The following ZBTB12 variants were observed in gnomAD, a reference collection of about 807,000 sequenced individuals.
The protein encoded by ZBTB12 is zinc finger and BTB domain-containing protein 12.
ZBTB12 carries 1 observed loss-of-function variant against 6.4 expected under a neutral mutation model. That is an observed-to-expected ratio of 0.16 (90% CI 0.06 to 0.74). The LOEUF is 0.74. ZBTB12 is among the 30% of genes least tolerant of loss of function. The probability of loss-of-function intolerance (pLI) is 0.78; values close to 1 mark genes in which losing one functional copy is unlikely to be tolerated. For synonymous variants in ZBTB12, 273 were observed against 262.5 expected (o/e 1.04, Z -0.39); for missense variants, 344 against 613.9 (o/e 0.56, Z 4.65).
chr6:31,901,379 A>G, intron 1 of ZBTB12, 54 bp from the exon 2 acceptor site: 2 of 1,471,744 alleles, frequency 1.4e-6, no homozygotes, highest in Non-Finnish European at 1.8e-6. Context: ...TCCGAAGCCA[A>G]GGCTCCAGGA....
chr6:31,901,344 G>A lies in ZBTB12; in HGVS notation c.-20-19C>T. 2 of 1,574,842 alleles carry A rather than the reference G, an allele frequency of 1.3e-6. No homozygotes were observed. Among genetic ancestry groups the A allele is most frequent in the East Asian group, 2.3e-5 (1 of 44,312 alleles). ...GGCAACCCTGGTTGGGAAGGAAACCGGTCAGAGACAAAGGTCTCTGGCTCT... is the reference window on the plus strand; with the variant it reads ...GGCAACCCTGGTTGGGAAGGAAACCAGTCAGAGACAAAGGTCTCTGGCTCT... On this transcript the variant is annotated intron_variant, in intron 1 of 1. Coordinates refer to ENST00000375527, the MANE Select transcript of ZBTB12 (RefSeq NM_181842.3).
At position 31,902,007 on chromosome 6, in the gene ZBTB12, C is replaced by A; in HGVS notation, c.-191G>T. 6.8e-6 allele frequency: 1 copy of A among 148,004 alleles called. No homozygotes were observed. The highest frequency in any genetic ancestry group is 1.5e-5 in the Non-Finnish European group (1 of 66,682). The allele number at this position is 148,004 out of a possible 1,614,324, so 9.2% of individuals were successfully genotyped here. A position where few individuals can be genotyped will look rare whatever the true frequency, so the allele number is the denominator to read the frequency against. On this transcript the variant is annotated 5_prime_UTR_variant, in exon 1 of 2. Transcript: ENST00000375527. ...CCGCGTGGGCGTAAGGGGGGAGGGG[C>A]GGGGGCGGCTCGTGCCGTGTGTTCC...
chr6:31,901,415 C>T, intron 1 of ZBTB12, 90 bp from the exon 2 acceptor site: 1 of 1,205,114 alleles, frequency 8.3e-7, no homozygotes, highest in South Asian at 1.6e-5. Flanking sequence ...TTGCCCAGCC[C>T]CCCGGCATCC....
chr6:31,900,497 G>A lies in ZBTB12; in HGVS notation c.809C>T (p.Ser270Leu), dbSNP rs1348929019. ...QGVVKACYSL[S>L]EDAEGEGLLL... The stretch of plus-strand genomic sequence containing the variant: ...CAGGCCCTCCCCTTCTGCATCTTCC[G>A]ACAGGCTATAGCAGGCCTTCACCAC... Residue 270 changes from serine to leucine, a missense_variant, in exon 2 of 2, where the codon TCG becomes TTG. Ser to Leu is a moderately radical substitution (Grantham distance 145, BLOSUM62 -2). Coordinates refer to ENST00000375527, the MANE Select transcript of ZBTB12 (RefSeq NM_181842.3). The surrounding 1 kb of genome is among the most constrained non-coding windows in gnomAD (Gnocchi z 9.7). The A allele has an allele frequency of 2.5e-6, 4 of 1,610,120 alleles. No homozygotes were observed. Among genetic ancestry groups the A allele is most frequent in the Non-Finnish European group, 3.4e-6 (4 of 1,179,632 alleles).
In ZBTB12 at chr6:31,901,105, G is replaced by A. The variant is rs767142872; in HGVS notation, c.201C>T (p.Ser67=). ...FLRDQFLLNP[S]SELQVSLMHS... ...GCATCAGGGAGACCTGCAGCTCCGA[G>A]CTGGGGTTCAGCAGGAACTGGTCCC... Residue 67 remains serine, a synonymous_variant, in exon 2 of 2, where the codon AGC becomes AGT. Transcript: ENST00000375527. 3.1e-6 allele frequency: 5 copies of A among 1,613,978 alleles called. No homozygotes were observed. The highest frequency in any genetic ancestry group is 8.5e-7 in the Non-Finnish European group (1 of 1,180,056).
rs749307616 is a variant in ZBTB12 at position 31,900,059 on chromosome 6, C to T, written c.1247G>A (p.Arg416His). 1 of 1,613,096 alleles carries T rather than the reference C, an allele frequency of 6.2e-7. No individual in the cohort carries two copies. The highest frequency in any genetic ancestry group is 1.3e-5 in the African/African-American group (1 of 75,048). The change falls in exon 2 of 2, where the codon CGC becomes CAC. Residue 416 changes from arginine to histidine, a missense_variant. Arg to His is a conservative substitution (Grantham distance 29). This residue lies in a region of ZBTB12 where 21 missense variants were observed against 122.6 expected (regional missense o/e 0.17). Transcript: ENST00000375527. This position sits in a 1 kb window ranked among gnomAD's most constrained non-coding sequence, Gnocchi z 9.7. Reference sequence around the variant, plus strand: ...GAAGCGCACGTCGCAGTAGGAGCAGCGGTAGGGCCGCGCTCCCGAGTGCAG... The same window carrying T: ...GAAGCGCACGTCGCAGTAGGAGCAGTGGTAGGGCCGCGCTCCCGAGTGCAG... ...LNLHSGARPY[R>H]CSYCDVRFAH...
At position 31,901,315 on chromosome 6, in the gene ZBTB12, G is replaced by A; in HGVS notation, c.-10C>T. The A allele has an allele frequency of 3.7e-6, 6 of 1,601,342 alleles. No homozygotes were observed. Among genetic ancestry groups the A allele is most frequent in the Non-Finnish European group, 4.3e-6 (5 of 1,171,724 alleles). ...CCACCCCAGAGGCCATTGTGGCGGG[G>A]GTGGGCAACCCTGGTTGGGAAGGAA... On this transcript the variant is annotated 5_prime_UTR_variant, in exon 2 of 2. Transcript: ENST00000375527.
rs1448761836 is a variant in ZBTB12, at chr6:31,900,503, C to T, written c.803G>A (p.Ser268Asn). 3 of 1,610,846 alleles carry T rather than the reference C, an allele frequency of 1.9e-6. No individual in the cohort carries two copies. The highest frequency in any genetic ancestry group is 3.3e-5 in the Admixed American group (2 of 59,902). The change falls in exon 2 of 2, where the codon AGC becomes AAC. Residue 268 changes from serine (S) to asparagine (N), a missense_variant. Ser to Asn is a conservative substitution (Grantham distance 46, BLOSUM62 1). Coordinates refer to ENST00000375527, the MANE Select transcript of ZBTB12 (RefSeq NM_181842.3). The surrounding 1 kb of genome is among the most constrained non-coding windows in gnomAD (Gnocchi z 9.7). Reference protein sequence around the residue: ...PPQGVVKACYSLSEDAEGEGL... With the variant: ...PPQGVVKACYNLSEDAEGEGL... ...CTCCCCTTCTGCATCTTCCGACAGG[C>T]TATAGCAGGCCTTCACCACACCCTG...
In ZBTB12 at chr6:31,901,131, G is replaced by A; in HGVS notation, c.175C>T (p.Arg59Trp). ...CTGGGGTTCAGCAGGAACTGGTCCCGCAGGAAGGGTGAGCAGGCGGCCAAG... is the reference window on the plus strand; with the variant it reads ...CTGGGGTTCAGCAGGAACTGGTCCCACAGGAAGGGTGAGCAGGCGGCCAAG... The part of the protein sequence containing the change: ...VILAACSPFL[R>W]DQFLLNPSSE... The change falls in exon 2 of 2, where the codon CGG becomes TGG. Residue 59 changes from arginine (R) to tryptophan (W), a missense_variant. Arg to Trp is a moderately radical substitution (Grantham distance 101). Coordinates refer to ENST00000375527, the MANE Select transcript of ZBTB12 (RefSeq NM_181842.3). The A allele has an allele frequency of 6.2e-7, 1 of 1,613,922 alleles. No individual in the cohort carries two copies. The highest frequency in any genetic ancestry group is 8.5e-7 in the Non-Finnish European group (1 of 1,180,028).
At chr6:31,901,360 C>T (rs1767249640) in intron 1 of ZBTB12, 35 bp from the exon 2 acceptor site, 2 of 1,535,842 alleles carry the variant, frequency 1.3e-6, no homozygotes. Flanking sequence ...AGACAAAGGT[C>T]TCTGGCTCTC....
rs1269339135 is a variant in ZBTB12, at chr6:31,902,052, GCGGCGGCGT to G, written c.-245_-237del. 6.6e-6 allele frequency: 1 copy of G among 151,040 alleles called. No individual in the cohort carries two copies. Among genetic ancestry groups the G allele is most frequent in the Non-Finnish European group, 1.5e-5 (1 of 68,168 alleles). 9.4% of individuals were successfully genotyped at this position (151,040 alleles called of 1,614,324 possible). A position where few individuals can be genotyped will look rare whatever the true frequency, so the allele number is the denominator to read the frequency against. On this transcript the variant is annotated 5_prime_UTR_variant, in exon 1 of 2. Transcript: ENST00000375527. ...TGTTCCAGGCCCCGCGCGCGCGGCG[GCGGCGGCGT>G]CGGCTAGGACTCGGGGAGGAGGAAG... is the stretch of plus-strand genomic sequence containing the variant.
In ZBTB12 at chr6:31,900,425, A is replaced by G; in HGVS notation, c.881T>C (p.Leu294Pro). ...GRASVGATSG[L>P]VEAAAVAMAA... Reference sequence around the variant, plus strand: ...CATGGCCACCGCTGCTGCTTCCACCAGGCCCGAGGTGGCCCCCACGCTGGC... The same window carrying G: ...CATGGCCACCGCTGCTGCTTCCACCGGGCCCGAGGTGGCCCCCACGCTGGC... The change falls in exon 2 of 2, where the codon CTG becomes CCG. Residue 294 changes from leucine (L) to proline (P), a missense_variant. By Grantham distance (98) the Leu-to-Pro change is moderately conservative. This residue lies in a region of ZBTB12 where 241 missense variants were observed against 315.4 expected (regional missense o/e 0.76). Coordinates refer to ENST00000375527, the MANE Select transcript of ZBTB12 (RefSeq NM_181842.3). The surrounding 1 kb of genome is among the most constrained non-coding windows in gnomAD (Gnocchi z 9.7). The G allele has an allele frequency of 6.5e-7, 1 of 1,543,600 alleles. No individual in the cohort carries two copies. Among genetic ancestry groups the G allele is most frequent in the South Asian group, 1.2e-5 (1 of 84,366 alleles).
At chr6:31,901,377 C>A (rs45575537) in intron 1 of ZBTB12, 52 bp from the exon 2 acceptor site, 1 of 1,490,658 alleles carries the variant, frequency 6.7e-7, no homozygotes, top group Non-Finnish European at 9.0e-7. Flanking sequence ...TCTCCGAAGC[C>A]AAGGCTCCAG....
rs751626028 is a variant in ZBTB12, at chr6:31,900,637, G to C, written c.669C>G (p.Leu223=). 9 of 1,612,684 alleles carry C rather than the reference G, an allele frequency of 5.6e-6. No individual in the cohort carries two copies. The African/African-American group carries it at 8.0e-5, about 14-fold the overall frequency. Residue 223 remains leucine (L), a synonymous_variant, in exon 2 of 2, where the codon CTC becomes CTG. Coordinates refer to ENST00000375527, the MANE Select transcript of ZBTB12 (RefSeq NM_181842.3). The surrounding 1 kb of genome is among the most constrained non-coding windows in gnomAD (Gnocchi z 9.7). ...VESALEVAHR[L]KPPGGLGGGL... ...CCCCTCCCAGGCCTCCAGGGGGTTT[G>C]AGCCGGTGTGCCACCTCCAGGGCCG...
Position 31,900,367 on chromosome 6 carries a change from C to T in ZBTB12, c.939G>A (p.Ala313=), listed in dbSNP as rs755111104. The change falls in exon 2 of 2, where the codon GCG becomes GCA. Residue 313 remains alanine (A), a synonymous_variant. Coordinates refer to ENST00000375527, the MANE Select transcript of ZBTB12 (RefSeq NM_181842.3). The surrounding 1 kb of genome is among the most constrained non-coding windows in gnomAD (Gnocchi z 9.7). ...CAGGCAGGGGTCCCCGGCTGCCCCC[C>T]GCCCCCAGGCTGCCCCCCGCCCCCC... is the stretch of plus-strand genomic sequence containing the variant. ...AARGAGGSLG[A]GGSRGPLPGG... 20 of 1,563,990 alleles carry T rather than the reference C, an allele frequency of 1.3e-5. No homozygotes were observed. In the Admixed American group the frequency reaches 2.1e-4, roughly 16 times the overall value.
In ZBTB12 at chr6:31,900,772, C is replaced by T. The variant is rs774350977; in HGVS notation, c.534G>A (p.Arg178=). The change falls in exon 2 of 2, where the codon CGG becomes CGA. Residue 178 remains arginine, a synonymous_variant. Coordinates refer to ENST00000375527, the MANE Select transcript of ZBTB12 (RefSeq NM_181842.3). The surrounding 1 kb of genome is among the most constrained non-coding windows in gnomAD (Gnocchi z 9.7). ...PPPPLPPPLL[R]PVKLEFPLDE... ...CCAGTGGGAACTCCAGCTTCACTGG[C>T]CGCAGGAGTGGAGGGGGTAGAGGAG... 1.3e-6 allele frequency: 2 copies of T among 1,590,566 alleles called. No individual in the cohort carries two copies. Among genetic ancestry groups the T allele is most frequent in the South Asian group, 1.1e-5 (1 of 87,272 alleles).
chr6:31,900,706 ATCCTCATCCTCT>A lies in ZBTB12; in HGVS notation c.588_599del (p.Glu196_Glu199del). ...AGATGTCAGACACGTCCTCATCCTC[ATCCTCATCCTCT>A]TCCTCGGCTTTCAGCTCCAAGTCTT... On this transcript the variant is annotated inframe_deletion, in exon 2 of 2. Transcript: ENST00000375527. This position sits in a 1 kb window ranked among gnomAD's most constrained non-coding sequence, Gnocchi z 9.7. 1 of 1,605,122 alleles carries A rather than the reference ATCCTCATCCTCT, an allele frequency of 6.2e-7. No individual in the cohort carries two copies. The highest frequency in any genetic ancestry group is 1.7e-5 in the Admixed American group (1 of 59,412).
rs377556449 is a variant in ZBTB12, at chr6:31,901,060, G to C, written c.246C>G (p.Ala82=). 6.2e-7 allele frequency: 1 copy of C among 1,614,154 alleles called. No individual in the cohort carries two copies. Among genetic ancestry groups the C allele is most frequent in the Non-Finnish European group, 8.5e-7 (1 of 1,180,034 alleles). Residue 82 remains alanine (A), a synonymous_variant, in exon 2 of 2, where the codon GCC becomes GCG. Transcript: ENST00000375527. ...VSLMHSARIV[A]DLLLSCYTGA... ...CCGTGTAGCAGGAGAGGAGCAAGTC[G>C]GCCACGATGCGTGCACTGTGCATCA...
In ZBTB12 at chr6:31,900,596, C is replaced by G; in HGVS notation, c.710G>C (p.Gly237Ala). 1 of 1,612,546 alleles carries G rather than the reference C, an allele frequency of 6.2e-7. No homozygotes were observed. Among genetic ancestry groups the G allele is most frequent in the Non-Finnish European group, 8.5e-7 (1 of 1,179,936 alleles). ...CTCCCCAAGGTGGCCACCCACGGAG[C>G]CTCCAATGCCCAGACCCCCTCCCAG... ...GGLGGGLGIG[G>A]SVGGHLGELA... Residue 237 changes from glycine to alanine, a missense_variant, in exon 2 of 2, where the codon GGC (glycine) becomes GCC (alanine). Gly to Ala is a moderately conservative substitution (Grantham distance 60). Transcript: ENST00000375527. This position sits in a 1 kb window ranked among gnomAD's most constrained non-coding sequence, Gnocchi z 9.7.
Sources: allele counts gnomAD v4.1 joint callset, GRCh38; gene constraint gnomAD v4.1.1; regional missense constraint gnomAD v4.1.1; non-coding constraint Gnocchi (gnomAD v3.1); transcripts MANE v1.5; gene names NCBI Gene and HGNC (gene_info 2026-07-23, HGNC 2026-07-21).